DPYD: variants seen among roughly 807,000 people sequenced by gnomAD.
The protein encoded by DPYD is dihydropyrimidine dehydrogenase [NADP(+)].
In DPYD, 109 loss-of-function variants were observed where a neutral mutation model predicts 116.2. That is an observed-to-expected ratio of 0.94 (90% confidence interval 0.80 to 1.10). The LOEUF (loss-of-function observed/expected upper bound fraction) is 1.10. Ranked by LOEUF, DPYD falls within the 50% of genes least tolerant of loss-of-function variation. The pLI is 0.00. For synonymous variants in DPYD, 440 were observed against 432.0 expected (o/e 1.02, Z -0.23); for missense variants, 1,302 against 1,254.5 (o/e 1.04, Z -0.57).
In DPYD at chr1:97,431,941, T is replaced by C. The variant is rs185263576; in HGVS notation, c.1905+18118A>G. ...TGAGATCAGTTTTTTATCTCTCATA[T>C]GTAAGTGAGAACATGAAATGTTTGT... On this transcript the variant is annotated intron_variant, in intron 14 of 22. Coordinates refer to ENST00000370192, the MANE Select transcript of DPYD (RefSeq NM_000110.4). 4.4e-3 allele frequency among the ~76,000 whole-genome samples: 665 copies of C among 152,280 alleles called. 5 individuals are homozygous for C. The highest frequency in any genetic ancestry group is 7.4e-3 in the Non-Finnish European group (502 of 68,014).
chr1:97,457,745 A>G (rs1212020653), intron 13 of DPYD, among the ~76,000 whole-genome samples: 2 of 152,200 alleles, frequency 1.3e-5, no homozygotes. Flanking sequence ...GGAGGATTAA[A>G]TAGAGTTGGG....
At chr1:97,089,943 A>G (rs1027126919) in intron 21 of DPYD, among the ~76,000 whole-genome samples, 1 of 151,890 alleles carries the variant, frequency 6.6e-6, no homozygotes, top group African/African-American at 2.4e-5. Flanking sequence ...CACTGGGCAT[A>G]ACCATGCTTG....
At chr1:97,561,488 C>G (rs961074822) in intron 11 of DPYD, among the ~76,000 whole-genome samples, 1 of 152,164 alleles carries the variant, frequency 6.6e-6, no homozygotes, top group Non-Finnish European at 1.5e-5. Context: ...AAATAAAGTA[C>G]CCTGCAGTGG....
intron 8 of DPYD, among the ~76,000 whole-genome samples, chr1:97,602,773 C>A (rs557667618): frequency 7.7e-4 from 117 of 151,862 alleles, no homozygotes; most frequent in Non-Finnish European, 1.5e-3. Flanking sequence ...ATGAGAACAA[C>A]AAACCCTTTG....
chr1:97,290,129 C>G (rs1473598242), intron 18 of DPYD, among the ~76,000 whole-genome samples: 4 of 152,152 alleles, frequency 2.6e-5, no homozygotes, highest in African/African-American at 9.7e-5. Flanking sequence ...ACCCAACTTA[C>G]AAGGGACGTG....
Position 97,232,771 on chromosome 1 carries a change from T to C in DPYD, c.2442+2081A>G, listed in dbSNP as rs146436073. ...AATTTTCATCTTTATATCTTCTATT[T>C]CTTTGATGAGACTTTCTGTTGTTTC... On this transcript the variant is annotated intron_variant, in intron 19 of 22. Coordinates refer to ENST00000370192, the MANE Select transcript of DPYD (RefSeq NM_000110.4). Among the ~76,000 whole-genome samples the C allele has an allele frequency of 6.0e-4, 91 of 152,344 alleles. 1 individual carries two copies. The highest frequency in any genetic ancestry group is 2.0e-3 in the African/African-American group (85 of 41,592).
chr1:97,264,353 G>A (rs956528169), intron 18 of DPYD, among the ~76,000 whole-genome samples: 1 of 150,818 alleles, frequency 6.6e-6, no homozygotes, highest in Non-Finnish European at 1.5e-5. Context: ...TATGTTTTTT[G>A]TTTCTAATTT....
chr1:97,677,866 G>A (rs1383212519), intron 8 of DPYD, among the ~76,000 whole-genome samples: 3 of 152,142 alleles, frequency 2.0e-5, no homozygotes, highest in African/African-American at 4.8e-5. Context: ...ACTTCAGAAA[G>A]GCAATGAAAA....
At chr1:97,646,002 A>G (rs1370761021) in intron 8 of DPYD, among the ~76,000 whole-genome samples, 1 of 152,102 alleles carries the variant, frequency 6.6e-6, no homozygotes, top group African/African-American at 2.4e-5. Flanking sequence ...AAGCCAGTCT[A>G]ATATTTTCTC....
chr1:97,101,876 T>C (rs1018489715), intron 20 of DPYD, among the ~76,000 whole-genome samples: 1 of 152,022 alleles, frequency 6.6e-6, no homozygotes, highest in Non-Finnish European at 1.5e-5. Flanking sequence ...TTTGTTTCAA[T>C]AGTTTCTCCA....
intron 18 of DPYD, among the ~76,000 whole-genome samples, chr1:97,246,313 G>A (rs1409655417): frequency 6.6e-6 from 1 of 152,096 alleles, no homozygotes; most frequent in Non-Finnish European, 1.5e-5. Flanking sequence ...TTATAAGGCT[G>A]GGTCAATGAG....
At chr1:97,335,294 T>TTAAGTACACACAC (rs1210090040) in intron 16 of DPYD, among the ~76,000 whole-genome samples, 1 of 123,464 alleles carries the variant, frequency 8.1e-6, no homozygotes, top group African/African-American at 3.5e-5. Flanking sequence ...ATTTATGGAG[T>TTAAGTACACACAC]TAAGTACACA....
At chr1:97,093,847 A>C (rs980412861) in intron 21 of DPYD, among the ~76,000 whole-genome samples, 8 of 152,066 alleles carry the variant, frequency 5.3e-5, no homozygotes, top group Admixed American at 1.3e-4. Context: ...CAGCTTCATG[A>C]CACGTCTCTC....
intron 15 of DPYD, among the ~76,000 whole-genome samples, chr1:97,376,861 GAGTT>G (rs1671650020): frequency 6.9e-6 from 1 of 144,710 alleles, no homozygotes. Context: ...TAGAAAGAGA[GAGTT>G]TGTGTGTGTG....
At chr1:97,701,718 T>C (rs1416306563) in intron 5 of DPYD, among the ~76,000 whole-genome samples, 1 of 151,846 alleles carries the variant, frequency 6.6e-6, no homozygotes, top group African/African-American at 2.4e-5. Flanking sequence ...GAAGAGGGTA[T>C]TATCAACAAG....
intron 14 of DPYD, among the ~76,000 whole-genome samples, chr1:97,412,965 C>T (rs1280688228): frequency 6.6e-6 from 1 of 152,150 alleles, no homozygotes; most frequent in Non-Finnish European, 1.5e-5. Flanking sequence ...CAGATGCAGC[C>T]TATGTCCCCA....
At chr1:97,900,730 T>C (rs1295373690) in intron 1 of DPYD, among the ~76,000 whole-genome samples, 1 of 151,814 alleles carries the variant, frequency 6.6e-6, no homozygotes, top group Non-Finnish European at 1.5e-5. Context: ...ATAAAATATA[T>C]CCAATGCTCC....
At chr1:97,671,898 CTTTT>C (rs952297551) in intron 8 of DPYD, among the ~76,000 whole-genome samples, 4 of 143,962 alleles carry the variant, frequency 2.8e-5, no homozygotes, top group Non-Finnish European at 6.1e-5. Flanking sequence ...CTTTTGTCTT[CTTTT>C]TTTGTCTTTT....
At chr1:97,226,191 T>G (rs1415912316) in intron 19 of DPYD, among the ~76,000 whole-genome samples, 4 of 152,130 alleles carry the variant, frequency 2.6e-5, no homozygotes, top group Non-Finnish European at 5.9e-5. Flanking sequence ...TTGAACATCT[T>G]TCTTAATAAA....
Sources: allele counts gnomAD v4.1 joint callset (sites outside exome capture counted in the v4.1 genomes callset), GRCh38; gene constraint gnomAD v4.1.1; transcripts MANE v1.5; gene names NCBI Gene and HGNC (gene_info 2026-07-23, HGNC 2026-07-21).